CEP128: variants seen among roughly 807,000 people sequenced by gnomAD.
CEP128 encodes the protein centrosomal protein 128kDa.
Under a neutral mutation model 156.7 loss-of-function variants are expected in CEP128, and 132 were observed. That is an observed-to-expected ratio of 0.84 (90% CI 0.73 to 0.97). The LOEUF is 0.97. Among genes scored for constraint, CEP128 ranks in the 50% least tolerant of loss-of-function variants. The pLI, the probability that CEP128 is intolerant of heterozygous loss-of-function variation, is 0.00. For synonymous variants in CEP128, 469 were observed against 448.9 expected (o/e 1.04, Z -0.57); for missense variants, 1,252 against 1,281.9 (o/e 0.98, Z 0.36).
At chr14:80,563,253 C>T (rs1030118664) in intron 20 of CEP128, among the ~76,000 whole-genome samples, 14 of 152,064 alleles carry the variant, frequency 9.2e-5, no homozygotes, top group African/African-American at 3.1e-4. Context: ...GAAAAGTAAG[C>T]ATTGCTAGAA....
intron 19 of CEP128, among the ~76,000 whole-genome samples, chr14:80,656,987 C>T (rs745364027): frequency 8.5e-5 from 13 of 152,172 alleles, no homozygotes; most frequent in Admixed American, 7.2e-4. Context: ...TGGCCGGGCA[C>T]GGTGACTCAT....
intron 19 of CEP128, among the ~76,000 whole-genome samples, chr14:80,580,785 A>T (rs1411026313): frequency 2.0e-5 from 3 of 152,214 alleles, no homozygotes; most frequent in African/African-American, 7.2e-5. Flanking sequence ...GAAAAAAAGA[A>T]AAGCCTTTTT....
chr14:80,556,527 G>T (rs1271681811), intron 21 of CEP128, among the ~76,000 whole-genome samples: 4 of 152,136 alleles, frequency 2.6e-5, no homozygotes, highest in South Asian at 2.1e-4. Flanking sequence ...AAAAGTTGAG[G>T]AAGACGGGGA....
At chr14:80,810,953 C>A (rs982099246) in intron 13 of CEP128, among the ~76,000 whole-genome samples, 4 of 152,112 alleles carry the variant, frequency 2.6e-5, no homozygotes, top group African/African-American at 7.2e-5. Context: ...TAATGCCCCC[C>A]ACAGACCCCA....
At chr14:80,901,151 A>G (rs1261146445) in intron 6 of CEP128, among the ~76,000 whole-genome samples, 2 of 151,682 alleles carry the variant, frequency 1.3e-5, no homozygotes, top group African/African-American at 4.8e-5. Context: ...GCTTGCAGTG[A>G]GCCGAGATCG....
At chr14:80,752,613 C>T (rs327446) in intron 18 of CEP128, among the ~76,000 whole-genome samples, 52,103 of 152,026 alleles carry the variant, frequency 0.34, 9,353 homozygotes, top group South Asian at 0.48. Flanking sequence ...GGGCCTAATA[C>T]TTCTCACACA....
chr14:80,662,761 T>A (rs1895453574), intron 19 of CEP128, among the ~76,000 whole-genome samples: 1 of 152,192 alleles, frequency 6.6e-6, no homozygotes, highest in Non-Finnish European at 1.5e-5. Context: ...GTGGTAAAAG[T>A]AATCTCATGT....
chr14:80,734,130 C>T (rs1369312796), intron 19 of CEP128, among the ~76,000 whole-genome samples: 1 of 152,144 alleles, frequency 6.6e-6, no homozygotes, highest in Non-Finnish European at 1.5e-5. Context: ...ATCTCCCTCA[C>T]CCATAATCTG....
chr14:80,764,280 T>C (rs1271607484), intron 16 of CEP128, among the ~76,000 whole-genome samples: 2 of 151,560 alleles, frequency 1.3e-5, no homozygotes, highest in South Asian at 2.1e-4. Flanking sequence ...GGGTGGATCA[T>C]GAGGTCAGGA....
chr14:80,880,630 G>A (rs907758858), intron 8 of CEP128, among the ~76,000 whole-genome samples: 1 of 151,550 alleles, frequency 6.6e-6, no homozygotes, highest in East Asian at 1.9e-4. Flanking sequence ...GCCAAGGTGG[G>A]CGGATCACGA....
chr14:80,921,361 A>G (rs1468255131), intron 2 of CEP128, among the ~76,000 whole-genome samples: 2 of 152,134 alleles, frequency 1.3e-5, no homozygotes, highest in South Asian at 2.1e-4. Flanking sequence ...GAGAGACGAA[A>G]TAAGTATGCT....
chr14:80,941,382 C>T (rs1886146661), intron 1 of CEP128, among the ~76,000 whole-genome samples, 199 bp downstream of exon 1: 1 of 152,092 alleles, frequency 6.6e-6, no homozygotes, highest in Non-Finnish European at 1.5e-5. Context: ...ACACCCCTGC[C>T]GAGGGAGGGA....
rs1174069174 is a variant in CEP128 at position 80,758,649 on chromosome 14, T to C, written c.2554-1698A>G. On this transcript the variant is annotated intron_variant, in intron 17 of 24. Coordinates refer to ENST00000555265, the MANE Select transcript of CEP128 (RefSeq NM_152446.5). ...AATAAATAGGCTTCAAGGCCTATTA[T>C]GAAAAAAGCACTATAACAGGCATTT... 6.6e-5 allele frequency among the ~76,000 whole-genome samples: 10 copies of C among 152,246 alleles called. No individual in the cohort carries two copies. The East Asian group carries it at 1.9e-3, about 29-fold the overall frequency.
intron 19 of CEP128, among the ~76,000 whole-genome samples, chr14:80,677,689 T>G (rs544795938): frequency 8.0e-4 from 121 of 151,836 alleles, no homozygotes; most frequent in African/African-American, 2.8e-3. Context: ...GTTGGTGAAA[T>G]GTATAACTTA....
At position 80,785,177 on chromosome 14, in the gene CEP128, G is replaced by A. The variant is rs1313804384; in HGVS notation, c.1929C>T (p.Ile643=). The A allele has an allele frequency of 6.2e-7, 1 of 1,614,156 alleles. No individual in the cohort carries two copies. The highest frequency in any genetic ancestry group is 8.5e-7 in the Non-Finnish European group (1 of 1,180,012). Residue 643 remains isoleucine (I), a synonymous_variant, in exon 15 of 25, where the codon ATC becomes ATT. Transcript: ENST00000555265. The part of the protein sequence containing the change: ...MQESIKDLSA[I]RADLANKLAE... ...CCAATTTATTAGCAAGATCTGCTCG[G>A]ATGGCACTCAGGTCCTTGATGGACT... is the stretch of plus-strand genomic sequence containing the variant.
At chr14:80,737,381 G>T (rs577316413) in intron 19 of CEP128, among the ~76,000 whole-genome samples, 1 of 151,794 alleles carries the variant, frequency 6.6e-6, no homozygotes, top group South Asian at 2.1e-4. Context: ...TCCAGCCTGG[G>T]CGACAGAGCA....
intron 19 of CEP128, among the ~76,000 whole-genome samples, chr14:80,727,677 A>G (rs1344856666): frequency 2.0e-5 from 3 of 152,200 alleles, no homozygotes; most frequent in African/African-American, 7.2e-5. Flanking sequence ...TCAACAAGCA[A>G]AAATAAACAA....
chr14:80,931,658 A>G (rs967481370), intron 2 of CEP128, among the ~76,000 whole-genome samples: 2 of 152,238 alleles, frequency 1.3e-5, no homozygotes, highest in South Asian at 4.1e-4. Flanking sequence ...TGACTGACAT[A>G]TTCAAATTCA....
chr14:80,486,388 T>C (rs574623141), downstream of CEP128, among the ~76,000 whole-genome samples: 158 of 151,966 alleles, frequency 1.0e-3, no homozygotes, highest in Non-Finnish European at 1.6e-3. Flanking sequence ...CAAATCTACG[T>C]CTGATTGGTG....
Sources: allele counts gnomAD v4.1 joint callset (sites outside exome capture counted in the v4.1 genomes callset), GRCh38; gene constraint gnomAD v4.1.1; transcripts MANE v1.5; gene names NCBI Gene and HGNC (gene_info 2026-07-23, HGNC 2026-07-21).